The following C16orf95 variants were observed in gnomAD, a reference collection of about 807,000 sequenced individuals.
C16orf95 encodes chromosome 16 open reading frame 95.
A neutral mutation model predicts 32.1 loss-of-function variants in C16orf95; 41 were observed. That is an observed-to-expected ratio of 1.28 (90% CI 1.00 to 1.66). C16orf95 has a LOEUF of 1.66. C16orf95 is among the 40% of genes most tolerant of loss of function. C16orf95 has a pLI of 0.00. For missense variants in C16orf95, 399 were observed against 325.9 expected (o/e 1.22, Z -1.73); for synonymous variants, 147 against 128.9 (o/e 1.14, Z -0.95).
chr16:87,304,285 A>G (rs1910898925), intron 6 of C16orf95, among the ~76,000 whole-genome samples: 1 of 69,186 alleles, frequency 1.4e-5, no homozygotes, highest in Non-Finnish European at 3.4e-5. Context: ...GCTGGGATCC[A>G]GGTGTAGGCC....
rs561028660 is a variant in C16orf95, at chr16:87,311,285, C to G, written c.342G>C (p.Thr114=). Residue 114 remains threonine, a synonymous_variant, in exon 4 of 7, where the codon ACG becomes ACC. Coordinates refer to ENST00000567970, the MANE Select transcript of C16orf95 (RefSeq NM_001195124.3). The stretch of plus-strand genomic sequence containing the variant: ...CGGTTTGGGGGATAGGAAATTGAAC[C>G]GTCTTTTGACTCTAACAGAGAGGAT... The part of the protein sequence containing the change: ...SLRPRKQSQK[T]VQFPIPQTAK... 1 of 1,532,922 alleles carries G rather than the reference C, an allele frequency of 6.5e-7. No homozygotes were observed. The highest frequency in any genetic ancestry group is 1.4e-5 in the African/African-American group (1 of 73,000). The allele number at this position is 1,532,922 out of a possible 1,614,324, so 95.0% of individuals were successfully genotyped here.
intron 5 of C16orf95, among the ~76,000 whole-genome samples, chr16:87,306,563 G>A (rs1911040655): frequency 6.6e-6 from 1 of 151,974 alleles, no homozygotes; most frequent in Non-Finnish European, 1.5e-5. Context: ...CAAAAACATA[G>A]AGGAGAAAAG....
intron 5 of C16orf95, among the ~76,000 whole-genome samples, chr16:87,307,758 A>G (rs954816637): frequency 6.6e-6 from 1 of 152,188 alleles, no homozygotes. Context: ...ACTCCATCCT[A>G]AAACAAACTA....
At chr16:87,307,927 A>C (rs999408733) in intron 5 of C16orf95, among the ~76,000 whole-genome samples, 7 of 152,198 alleles carry the variant, frequency 4.6e-5, no homozygotes, top group African/African-American at 1.7e-4. Context: ...CTTTTTTTAC[A>C]TCATTAACTG....
intron 5 of C16orf95, among the ~76,000 whole-genome samples, chr16:87,308,318 T>C (rs1404791118): frequency 6.6e-6 from 1 of 151,774 alleles, no homozygotes; most frequent in Non-Finnish European, 1.5e-5. Context: ...CCATCTCTAC[T>C]AAAAATACAA....
In C16orf95 at chr16:87,305,546, A is replaced by G. The variant is rs1910979542; in HGVS notation, c.701+173T>C. On this transcript the variant is annotated intron_variant, in intron 6 of 6. Coordinates refer to ENST00000567970, the MANE Select transcript of C16orf95 (RefSeq NM_001195124.3). The surrounding 1 kb of genome is among the most constrained non-coding windows in gnomAD (Gnocchi z 4.2). ...GGCATCTCTAGGTGACGCGGGGCAG[A>G]GCCTGCGCTGTGCAGAGCACCACAG... is the stretch of plus-strand genomic sequence containing the variant. Among the ~76,000 whole-genome samples, 2 of 135,342 alleles carry G rather than the reference A, an allele frequency of 1.5e-5. No homozygotes were observed. Among genetic ancestry groups the G allele is most frequent in the African/African-American group, 5.4e-5 (2 of 37,350 alleles). The allele number at this position is 135,342 out of a possible 152,430, so 88.8% of individuals were successfully genotyped here. A position where few individuals can be genotyped will look rare whatever the true frequency, so the allele number is the denominator to read the frequency against.
At chr16:87,313,072 A>G (rs1911355094) in intron 3 of C16orf95, among the ~76,000 whole-genome samples, 1 of 152,174 alleles carries the variant, frequency 6.6e-6, no homozygotes, top group Non-Finnish European at 1.5e-5. Flanking sequence ...AAAAGATTCA[A>G]TATTTTTCAA....
chr16:87,305,732 T>C lies in C16orf95; in HGVS notation c.688A>G (p.Ile230Val), dbSNP rs1232596416. Residue 230 changes from isoleucine to valine, a missense_variant, in exon 6 of 7, where the codon ATC (isoleucine) becomes GTC (valine). Coordinates refer to ENST00000567970, the MANE Select transcript of C16orf95 (RefSeq NM_001195124.3). This position sits in a 1 kb window ranked among gnomAD's most constrained non-coding sequence, Gnocchi z 4.2. ...CCACCTGCTCACCGAATGGCCATGA[T>C]GACCCTCGGGATGGCCTGGAGGAGG... Reference protein sequence around the residue: ...LTLLQAIPRVIMAIRQCFGV With the variant: ...LTLLQAIPRVVMAIRQCFGV 1 of 1,507,610 alleles carries C rather than the reference T, an allele frequency of 6.6e-7. No homozygotes were observed. Among genetic ancestry groups the C allele is most frequent in the Non-Finnish European group, 8.8e-7 (1 of 1,133,698 alleles). The allele number at this position is 1,507,610 out of a possible 1,614,324, so 93.4% of individuals were successfully genotyped here.
rs1910975390 is a variant in C16orf95 at position 87,305,502 on chromosome 16, G to GAGGCCCCCA, written c.701+216_701+217insTGGGGGCCT. 6.7e-6 allele frequency among the ~76,000 whole-genome samples: 1 copy of GAGGCCCCCA among 148,824 alleles called. No individual in the cohort carries two copies. Among genetic ancestry groups the GAGGCCCCCA allele is most frequent in the African/African-American group, 2.4e-5 (1 of 40,858 alleles). ...GGTGGAAGTGCCCCACGAGGCCCCC[G>GAGGCCCCCA]CCGCCCCCAGGCTGCCCTGGCATCT... On this transcript the variant is annotated intron_variant, in intron 6 of 6. Coordinates refer to ENST00000567970, the MANE Select transcript of C16orf95 (RefSeq NM_001195124.3). The surrounding 1 kb of genome is among the most constrained non-coding windows in gnomAD (Gnocchi z 4.2).
At chr16:87,309,449 T>A (rs2150650701) in intron 5 of C16orf95, among the ~76,000 whole-genome samples, 1 of 146,678 alleles carries the variant, frequency 6.8e-6, no homozygotes, top group Non-Finnish European at 1.5e-5. Context: ...AATGGTGTGA[T>A]CTCAGCTCAC....
Position 87,317,119 on chromosome 16 carries a change from C to A in C16orf95, c.124G>T (p.Ala42Ser). ...GAGCVGLCRLALTPSAQDGRN... is the reference protein window; with the variant it reads ...GAGCVGLCRLSLTPSAQDGRN... ...CCATCCTGCGCGCTGGGTGTGAGTG[C>A]CAACCTGCAGAGCCCGACGCACCCC... Residue 42 changes from alanine (A) to serine (S), a missense_variant, in exon 1 of 7, where the codon GCA becomes TCA. Physicochemically the swap from Ala to Ser is moderately conservative, Grantham distance 99. Transcript: ENST00000567970. 2 of 1,531,216 alleles carry A rather than the reference C, an allele frequency of 1.3e-6. No homozygotes were observed. Among genetic ancestry groups the A allele is most frequent in the Non-Finnish European group, 1.7e-6 (2 of 1,144,010 alleles). The allele number at this position is 1,531,216 out of a possible 1,614,324, so 94.9% of individuals were successfully genotyped here.
Position 87,309,372 on chromosome 16 carries a change from CTT to C in C16orf95, c.514+923_514+924del, listed in dbSNP as rs10551847. ...TATGCATTTTCTTTTTCTTTCTTTTCTTTTTTTTTTTTTTTTTTTTTTTTTTT... is the reference window on the plus strand; with the variant it reads ...TATGCATTTTCTTTTTCTTTCTTTTCTTTTTTTTTTTTTTTTTTTTTTTTT... On this transcript the variant is annotated intron_variant, in intron 5 of 6. Transcript: ENST00000567970. 4.2e-3 allele frequency among the ~76,000 whole-genome samples: 363 copies of C among 86,042 alleles called. 1 individual carries two copies. The highest frequency in any genetic ancestry group is 0.021 in the African/African-American group (352 of 16,888). 56.4% of individuals were successfully genotyped at this position (86,042 alleles called of 152,430 possible).
At chr16:87,310,654 G>A (rs1911240445) in intron 4 of C16orf95, among the ~76,000 whole-genome samples, 1 of 152,182 alleles carries the variant, frequency 6.6e-6, no homozygotes, top group African/African-American at 2.4e-5. Context: ...TGTGGAGGCG[G>A]CCAGCAAGAG....
intron 3 of C16orf95, among the ~76,000 whole-genome samples, chr16:87,311,781 A>G (rs1911294857): frequency 6.6e-6 from 1 of 152,242 alleles, no homozygotes; most frequent in African/African-American, 2.4e-5. Context: ...CCATGAGGAT[A>G]CTTTCACATC....
rs1406924695 is a variant in C16orf95, at chr16:87,317,286, C to G, written c.-44G>C. 6.8e-7 allele frequency: 1 copy of G among 1,470,338 alleles called. No homozygotes were observed. The highest frequency in any genetic ancestry group is 9.0e-7 in the Non-Finnish European group (1 of 1,109,924). The allele number at this position is 1,470,338 out of a possible 1,614,324, so 91.1% of individuals were successfully genotyped here. On this transcript the variant is annotated 5_prime_UTR_variant, in exon 1 of 7. Coordinates refer to ENST00000567970, the MANE Select transcript of C16orf95 (RefSeq NM_001195124.3). ...CGCGCCCTTTCACACACACATCGTC[C>G]GCAGGCCCTGACGCCCTGGCTCCCG...
intron 5 of C16orf95, among the ~76,000 whole-genome samples, chr16:87,307,355 G>A (rs775721253): frequency 9.2e-5 from 14 of 152,144 alleles, no homozygotes; most frequent in Non-Finnish European, 1.6e-4. Flanking sequence ...TATGTGCCAG[G>A]TCACAGACAG....
rs1030187080 is a variant in C16orf95 at position 87,302,829 on chromosome 16, A to G, written c.*228T>C. ...AGGTGGCCAGTTTAGAGTTTCACAA[A>G]TAACATTTATTGACCACATTCATAA... On this transcript the variant is annotated 3_prime_UTR_variant, in exon 7 of 7. Transcript: ENST00000567970. 5.3e-6 allele frequency: 3 copies of G among 562,124 alleles called. No individual in the cohort carries two copies. Among genetic ancestry groups the G allele is most frequent in the Non-Finnish European group, 9.6e-6 (3 of 312,256 alleles). The allele number at this position is 562,124 out of a possible 1,614,324, so 34.8% of individuals were successfully genotyped here. A position where few individuals can be genotyped will look rare whatever the true frequency, so the allele number is the denominator to read the frequency against.
At chr16:87,314,206 C>G (rs967325460) in intron 3 of C16orf95, among the ~76,000 whole-genome samples, 2 of 151,822 alleles carry the variant, frequency 1.3e-5, no homozygotes, top group African/African-American at 4.8e-5. Context: ...CATACAAAGC[C>G]TTGTACACAA....
At chr16:87,313,216 C>G (rs1911363708) in intron 3 of C16orf95, among the ~76,000 whole-genome samples, 1 of 149,360 alleles carries the variant, frequency 6.7e-6, no homozygotes, top group Admixed American at 6.7e-5. Flanking sequence ...AGAGAAAAGC[C>G]AAGTCTGAAA....
Sources: allele counts gnomAD v4.1 joint callset (sites outside exome capture counted in the v4.1 genomes callset), GRCh38; gene constraint gnomAD v4.1.1; non-coding constraint Gnocchi (gnomAD v3.1); transcripts MANE v1.5; gene names NCBI Gene and HGNC (gene_info 2026-07-23, HGNC 2026-07-21).